HELQ: variants seen among roughly 807,000 people sequenced by gnomAD.
HELQ encodes helicase POLQ-like.
A neutral mutation model predicts 111.6 loss-of-function variants in HELQ; 77 were observed. That is an observed-to-expected ratio of 0.69 (90% CI 0.57 to 0.83). The LOEUF (loss-of-function observed/expected upper bound fraction) is 0.83. HELQ is among the 40% of genes least tolerant of loss of function. HELQ has a pLI of 0.00. For missense variants in HELQ, 1,200 were observed against 1,288.5 expected (o/e 0.93, Z 1.05); for synonymous variants, 438 against 454.7 (o/e 0.96, Z 0.47).
At chr4:83,429,861 T>G in intron 11 of HELQ, 115 bp from the exon 12 acceptor site, 1 of 633,764 alleles carries the variant, frequency 1.6e-6, no homozygotes, top group Admixed American at 3.2e-5. Flanking sequence ...AATAAAAAAT[T>G]AGTATTAAAT....
At chr4:83,420,280 G>A (rs1018379411) in intron 15 of HELQ, among the ~76,000 whole-genome samples, 2 of 152,206 alleles carry the variant, frequency 1.3e-5, no homozygotes, top group African/African-American at 2.4e-5. Context: ...CACATTTGAT[G>A]TAAAAGCTTT....
chr4:83,433,086 T>C (rs1231099475), intron 9 of HELQ, among the ~76,000 whole-genome samples: 1 of 151,974 alleles, frequency 6.6e-6, no homozygotes, highest in Non-Finnish European at 1.5e-5. Context: ...ATTTCAATTA[T>C]GTTCATATAT....
chr4:83,430,347 C>T (rs548022487), intron 11 of HELQ, among the ~76,000 whole-genome samples: 4 of 151,648 alleles, frequency 2.6e-5, no homozygotes, highest in East Asian at 1.9e-4. Flanking sequence ...ACTAAAACAG[C>T]GTCAGACAAT....
chr4:83,447,966 T>C (rs1487706234), intron 3 of HELQ, among the ~76,000 whole-genome samples: 3 of 152,004 alleles, frequency 2.0e-5, no homozygotes, highest in Non-Finnish European at 4.4e-5. Context: ...TCCCAGCACT[T>C]TGGGGGGCCG....
chr4:83,407,399 A>G lies in HELQ; in HGVS notation c.*54T>C. On this transcript the variant is annotated 3_prime_UTR_variant, in exon 18 of 18. Transcript: ENST00000295488. ...ATTTATAAAGTATAAGTTATCTTTA[A>G]TAACACACATGTACAATAAATAATT... The G allele has an allele frequency of 1.3e-5, 14 of 1,103,284 alleles. No homozygotes were observed. Among genetic ancestry groups the G allele is most frequent in the Non-Finnish European group, 1.8e-5 (14 of 758,712 alleles). 68.3% of individuals were successfully genotyped at this position (1,103,284 alleles called of 1,614,324 possible).
intron 5 of HELQ, among the ~76,000 whole-genome samples, chr4:83,444,998 G>T (rs187909795): frequency 3.3e-5 from 5 of 152,130 alleles, no homozygotes; most frequent in Non-Finnish European, 1.5e-5. Context: ...GAAAGGATGA[G>T]GTACTGAACT....
intron 2 of HELQ, among the ~76,000 whole-genome samples, chr4:83,452,590 T>C (rs1721449293): frequency 6.6e-6 from 1 of 152,114 alleles, no homozygotes; most frequent in Non-Finnish European, 1.5e-5. Context: ...TAGGTTTTGG[T>C]AGAGAAGACA....
chr4:83,416,263 G>C (rs1578066639), intron 17 of HELQ, among the ~76,000 whole-genome samples: 1 of 150,588 alleles, frequency 6.6e-6, no homozygotes, highest in African/African-American at 2.4e-5. Flanking sequence ...TTTGGGGCGG[G>C]GGGACAGGGT....
intron 9 of HELQ, among the ~76,000 whole-genome samples, chr4:83,435,496 T>C (rs1720400662): frequency 6.6e-6 from 1 of 151,682 alleles, no homozygotes; most frequent in Admixed American, 6.6e-5. Flanking sequence ...AATACAGATA[T>C]CTTCAACTAT....
intron 17 of HELQ, among the ~76,000 whole-genome samples, chr4:83,411,075 A>C (rs1034528040): frequency 3.4e-5 from 5 of 148,236 alleles, no homozygotes; most frequent in African/African-American, 2.5e-5. Flanking sequence ...TGGGAGGATC[A>C]CCTGAGCTTG....
chr4:83,408,949 T>G (rs1738942005), intron 17 of HELQ, among the ~76,000 whole-genome samples: 1 of 152,098 alleles, frequency 6.6e-6, no homozygotes, highest in African/African-American at 2.4e-5. Context: ...GAGGCAGTCT[T>G]CGAAAGGCAA....
intron 17 of HELQ, among the ~76,000 whole-genome samples, chr4:83,410,337 C>A (rs997324173): frequency 3.3e-5 from 5 of 152,192 alleles, no homozygotes; most frequent in Admixed American, 3.3e-4. Context: ...ATAACAGCCA[C>A]ACTGAAGCAG....
chr4:83,447,271 C>T (rs1721103152), intron 3 of HELQ, among the ~76,000 whole-genome samples: 1 of 152,084 alleles, frequency 6.6e-6, no homozygotes, highest in South Asian at 2.1e-4. Context: ...TGCCTGAGTC[C>T]AGAGAATTGA....
At chr4:83,415,007 T>C (rs1739287452) in intron 17 of HELQ, among the ~76,000 whole-genome samples, 1 of 152,158 alleles carries the variant, frequency 6.6e-6, no homozygotes, top group Non-Finnish European at 1.5e-5. Flanking sequence ...TAAAGAACAA[T>C]TAAGGTAATG....
intron 9 of HELQ, among the ~76,000 whole-genome samples, chr4:83,432,833 G>C (rs981742871): frequency 6.6e-6 from 1 of 151,912 alleles, no homozygotes; most frequent in Non-Finnish European, 1.5e-5. Context: ...GTTTGCTTGA[G>C]TCCAGGAGTT....
chr4:83,446,959 G>A lies in HELQ; in HGVS notation c.1268C>T (p.Pro423Leu). The change falls in exon 4 of 18, where the codon CCT becomes CTT. Residue 423 changes from proline to leucine, a missense_variant. Coordinates refer to ENST00000295488, the MANE Select transcript of HELQ (RefSeq NM_133636.5). ...EEYAGSKGRF[P>L]PTKRREKKSL... Reference sequence around the variant, plus strand: ...TTTCTTTTCCCTTCTTTTAGTTGGAGGAAATCTTCCTTTGCTTCCAGCATA... The same window carrying A: ...TTTCTTTTCCCTTCTTTTAGTTGGAAGAAATCTTCCTTTGCTTCCAGCATA... 2 of 1,613,356 alleles carry A rather than the reference G, an allele frequency of 1.2e-6. No individual in the cohort carries two copies. Among genetic ancestry groups the A allele is most frequent in the Non-Finnish European group, 1.7e-6 (2 of 1,179,282 alleles).
intron 15 of HELQ, among the ~76,000 whole-genome samples, chr4:83,419,081 G>C (rs1739511812): frequency 6.6e-6 from 1 of 151,094 alleles, no homozygotes; most frequent in African/African-American, 2.5e-5. Flanking sequence ...CCAACCTGTG[G>C]CCCACAGGCC....
At chr4:83,416,974 A>G (rs1739395948) in intron 16 of HELQ, 109 bp from the exon 17 acceptor site, 1 of 919,422 alleles carries the variant, frequency 1.1e-6, no homozygotes, top group African/African-American at 1.7e-5. Flanking sequence ...CTGGGATAAA[A>G]TAAAGTAAAT....
chr4:83,413,235 G>C (rs1739194707), intron 17 of HELQ, among the ~76,000 whole-genome samples: 1 of 152,164 alleles, frequency 6.6e-6, no homozygotes, highest in African/African-American at 2.4e-5. Context: ...CCAGAGAAGA[G>C]GTTGAGGGAA....
Sources: allele counts gnomAD v4.1 joint callset (sites outside exome capture counted in the v4.1 genomes callset), GRCh38; gene constraint gnomAD v4.1.1; transcripts MANE v1.5; gene names NCBI Gene and HGNC (gene_info 2026-07-23, HGNC 2026-07-21).